ANAPC4: variants seen among roughly 807,000 people sequenced by gnomAD.
The protein encoded by ANAPC4 is anaphase promoting complex subunit 4.
In ANAPC4, 63 loss-of-function variants were observed where a neutral mutation model predicts 119.8. The observed-to-expected ratio is 0.53, with a 90% CI of 0.43 to 0.65. The LOEUF (loss-of-function observed/expected upper bound fraction) is 0.65, where lower values mean the gene tolerates loss of function less well. Among genes scored for constraint, ANAPC4 ranks in the 30% least tolerant of loss-of-function variants. The probability of loss-of-function intolerance (pLI) is 0.00; values close to 1 mark genes in which losing one functional copy is unlikely to be tolerated. For missense variants in ANAPC4, 716 were observed against 945.1 expected, an observed-to-expected ratio of 0.76 and a Z score of 3.18; for synonymous variants, 283 against 318.6, an observed-to-expected ratio of 0.89 and a Z score of 1.19.
chr4:25,413,484 T>C (rs1993602), intron 21 of ANAPC4, 161 bp from the exon 22 acceptor site: 239,093 of 517,992 alleles, frequency 0.46, 61,626 homozygotes, highest in Non-Finnish European at 0.53. Context: ...AAGACCATGG[T>C]CGTTTTTAAT....
intron 4 of ANAPC4, 25 bp downstream of exon 4, chr4:25,383,418 A>C: frequency 6.4e-7 from 1 of 1,553,740 alleles, no homozygotes. Flanking sequence ...TTATGTAGTC[A>C]TAGGGTATTC....
chr4:25,404,851 T>C (rs936486229), intron 17 of ANAPC4, among the ~76,000 whole-genome samples: 4 of 152,100 alleles, frequency 2.6e-5, no homozygotes, highest in Non-Finnish European at 5.9e-5. Context: ...AGTAGTTTTT[T>C]TGGATGGATA....
In ANAPC4 at chr4:25,388,559, C is replaced by T. The variant is rs765475845; in HGVS notation, c.428C>T (p.Pro143Leu). The part of the protein sequence containing the change: ...DESNLLLPKL[P>L]TLPKNYSNTS... Reference sequence around the variant, plus strand: ...TCAAATCTTCTCTTACCTAAACTACCTACACTGCCAAAAAAGTATGTATCA... The same window carrying T: ...TCAAATCTTCTCTTACCTAAACTACTTACACTGCCAAAAAAGTATGTATCA... Residue 143 changes from proline to leucine, a missense_variant, in exon 5 of 29, where the codon CCT becomes CTT. Physicochemically the swap from Pro to Leu is moderately conservative, Grantham distance 98. This residue lies in a region of ANAPC4 where 202 missense variants were observed against 293.5 expected (regional missense o/e 0.69). Coordinates refer to ENST00000315368, the MANE Select transcript of ANAPC4 (RefSeq NM_013367.3). 3 of 1,604,150 alleles carry T rather than the reference C, an allele frequency of 1.9e-6. No individual in the cohort carries two copies. Among genetic ancestry groups the T allele is most frequent in the Non-Finnish European group, 2.6e-6 (3 of 1,171,878 alleles).
chr4:25,416,393 C>T (rs910840520), intron 26 of ANAPC4, 32 bp from the exon 27 acceptor site: 5 of 1,391,648 alleles, frequency 3.6e-6, no homozygotes, highest in Non-Finnish European at 3.8e-6. Context: ...TCACGATCAT[C>T]TTTGATATAA....
At chr4:25,411,316 G>T (rs1247663800) in intron 21 of ANAPC4, among the ~76,000 whole-genome samples, 1 of 152,170 alleles carries the variant, frequency 6.6e-6, no homozygotes, top group African/African-American at 2.4e-5. Context: ...TATTGATCCA[G>T]GGAACTTTGC....
intron 4 of ANAPC4, among the ~76,000 whole-genome samples, chr4:25,383,872 G>A (rs149444666): frequency 9.2e-5 from 14 of 152,336 alleles, no homozygotes; most frequent in Middle Eastern, 6.8e-3. Flanking sequence ...GCTGCTGACT[G>A]ATCAGGGTGG....
intron 22 of ANAPC4, 72 bp from the exon 23 acceptor site, chr4:25,414,252 C>A: frequency 9.3e-7 from 1 of 1,077,986 alleles, no homozygotes; most frequent in South Asian, 1.7e-5. Context: ...CAGTGATGGT[C>A]AGTCACTTTC....
chr4:25,407,066 C>T (rs1292765987), intron 19 of ANAPC4, 131 bp from the exon 20 acceptor site: 3 of 920,726 alleles, frequency 3.3e-6, no homozygotes, highest in South Asian at 3.2e-5. Flanking sequence ...GTTTGTGTGT[C>T]TTATAATCTA....
intron 25 of ANAPC4, among the ~76,000 whole-genome samples, chr4:25,414,997 G>A (rs982074715): frequency 4.6e-5 from 7 of 151,862 alleles, no homozygotes; most frequent in Admixed American, 1.3e-4. Context: ...AAAAACTTCC[G>A]AAAAACTAAA....
At chr4:25,406,052 T>C (rs2012284) in intron 18 of ANAPC4, among the ~76,000 whole-genome samples, 61,820 of 152,092 alleles carry the variant, frequency 0.41, 14,611 homozygotes, top group Non-Finnish European at 0.52. Flanking sequence ...GATGGAATCT[T>C]CTTCCAGGGA....
intron 8 of ANAPC4, 58 bp downstream of exon 8, chr4:25,390,278 A>G (rs1474282954): frequency 7.8e-7 from 1 of 1,274,230 alleles, no homozygotes; most frequent in Non-Finnish European, 1.1e-6. Flanking sequence ...TATACTAGGT[A>G]CTTATGGAAA....
intron 10 of ANAPC4, 99 bp from the exon 11 acceptor site, chr4:25,393,706 T>C (rs958094264): frequency 4.9e-6 from 3 of 612,558 alleles, no homozygotes; most frequent in African/African-American, 1.9e-5. Flanking sequence ...AAGTAAATTC[T>C]AGATTTCTTT....
intron 21 of ANAPC4, 65 bp from the exon 22 acceptor site, chr4:25,413,580 T>G: frequency 7.8e-7 from 1 of 1,279,364 alleles, no homozygotes; most frequent in Non-Finnish European, 1.1e-6. Context: ...AGTAGATTAT[T>G]TTCTTCTAAT....
chr4:25,403,315 T>G (rs906148536), intron 17 of ANAPC4, among the ~76,000 whole-genome samples: 4 of 152,136 alleles, frequency 2.6e-5, no homozygotes, highest in Non-Finnish European at 5.9e-5. Context: ...TCATATAATT[T>G]GTAAAGATCA....
At chr4:25,382,122 TC>T (rs869296902) in intron 3 of ANAPC4, among the ~76,000 whole-genome samples, 192 of 19,132 alleles carry the variant, frequency 0.01, no homozygotes, top group African/African-American at 0.021. Flanking sequence ...TTCTTTTTTT[TC>T]CCCCCCCTCA....
At chr4:25,415,566 A>C in intron 26 of ANAPC4, 26 bp downstream of exon 26, 1 of 1,579,618 alleles carries the variant, frequency 6.3e-7, no homozygotes, top group Non-Finnish European at 8.7e-7. Context: ...TGTTTGGATG[A>C]AATGTAGATA....
At chr4:25,402,528 G>A (rs1740893267) in intron 16 of ANAPC4, among the ~76,000 whole-genome samples, 1 of 152,124 alleles carries the variant, frequency 6.6e-6, no homozygotes, top group African/African-American at 2.4e-5. Context: ...GATATCAGAG[G>A]TAATGACAGC....
chr4:25,388,142 T>C (rs1283917818), intron 4 of ANAPC4, among the ~76,000 whole-genome samples: 1 of 152,126 alleles, frequency 6.6e-6, no homozygotes, highest in Admixed American at 6.5e-5. Flanking sequence ...ATAGTGCTAC[T>C]CTTAGTAGTC....
chr4:25,400,473 T>G (rs929236859), intron 16 of ANAPC4, among the ~76,000 whole-genome samples: 4 of 151,686 alleles, frequency 2.6e-5, no homozygotes, highest in African/African-American at 4.8e-5. Context: ...CAGCTGAGAG[T>G]AAGGATGGGG....
Sources: allele counts gnomAD v4.1 joint callset (sites outside exome capture counted in the v4.1 genomes callset), GRCh38; gene constraint gnomAD v4.1.1; regional missense constraint gnomAD v4.1.1; transcripts MANE v1.5; gene names NCBI Gene and HGNC (gene_info 2026-07-23, HGNC 2026-07-21).